WNT5A: variants seen among roughly 807,000 people sequenced by gnomAD.
WNT5A encodes Wnt family member 5A.
In WNT5A, 9 loss-of-function variants were observed where a neutral mutation model predicts 42.1. The ratio of observed to expected loss-of-function variants is 0.21; its 90% CI spans 0.13 to 0.37. WNT5A has a LOEUF of 0.37. Ranked by LOEUF, WNT5A falls within the 10% of genes least tolerant of loss-of-function variation. The pLI is 1.00. For synonymous variants in WNT5A, 210 were observed against 210.0 expected (o/e 1.00, Z 0.00); for missense variants, 426 against 534.0 (o/e 0.80, Z 1.99).
rs766388444 is a variant in WNT5A at position 55,474,387 on chromosome 3, C to T, written c.634G>A (p.Glu212Lys). ...AGGTTCATGAGGATGCGAGCACTCT[C>T]GTAGGAGCCCTTGGCGTGGATGCGC... ...RERIHAKGSY[E>K]SARILMNLHN... The change falls in exon 4 of 5, where the codon GAG (glutamate) becomes AAG (lysine). Residue 212 changes from glutamate (E) to lysine (K), a missense_variant. Transcript: ENST00000264634. 4.1e-5 allele frequency: 66 copies of T among 1,612,752 alleles called. No homozygotes were observed. Among genetic ancestry groups the T allele is most frequent in the Non-Finnish European group, 5.3e-5 (62 of 1,179,778 alleles).
At chr3:55,481,447 G>A (rs1303071809) in intron 1 of WNT5A, 2 of 936,668 alleles carry the variant, frequency 2.1e-6, no homozygotes, top group Non-Finnish European at 2.5e-6. Flanking sequence ...AGCGCGGGGG[G>A]TGGAGGATGG....
rs1415915811 is a variant in WNT5A at position 55,466,206 on chromosome 3, T to C, written c.*3886A>G. On this transcript the variant is annotated 3_prime_UTR_variant, in exon 5 of 5. Transcript: ENST00000264634. Reference sequence around the variant, plus strand: ...AAAAAAAATAAATATTTTAAAAGTATAGCTTACAGTGACAATGTAGTATTT... The same window carrying C: ...AAAAAAAATAAATATTTTAAAAGTACAGCTTACAGTGACAATGTAGTATTT... 1 of 152,210 alleles carries C rather than the reference T, an allele frequency of 6.6e-6. No individual in the cohort carries two copies. The highest frequency in any genetic ancestry group is 1.5e-5 in the Non-Finnish European group (1 of 68,040). 9.4% of individuals were successfully genotyped at this position (152,210 alleles called of 1,614,324 possible). A position where few individuals can be genotyped will look rare whatever the true frequency, so the allele number is the denominator to read the frequency against.
At chr3:55,500,652 G>A in the WNT5A span, among the ~76,000 whole-genome samples, 2 of 152,270 alleles carry the variant, frequency 1.3e-5, no homozygotes, top group Non-Finnish European at 2.9e-5. Context: ...AAAAGTCTAT[G>A]AATTACTGAA....
intron 1 of WNT5A, among the ~76,000 whole-genome samples, chr3:55,484,649 G>C (rs189231001): frequency 6.7e-6 from 1 of 149,658 alleles, no homozygotes. Flanking sequence ...CTGCCCCCTC[G>C]TCCATCCCTT....
Position 55,479,549 on chromosome 3 carries a change from A to G in WNT5A, c.156T>C (p.Asn52=). 1 of 1,595,534 alleles carries G rather than the reference A, an allele frequency of 6.3e-7. No individual in the cohort carries two copies. The highest frequency in any genetic ancestry group is 2.2e-5 in the East Asian group (1 of 44,538). ...EANSWWSLGM[N]NPVQMSEVYI... Reference sequence around the variant, plus strand: ...ATACTTCTGACATCTGAACAGGGTTATTCATACCTAGCGACCTGCAAGGGG... The same window carrying G: ...ATACTTCTGACATCTGAACAGGGTTGTTCATACCTAGCGACCTGCAAGGGG... Residue 52 remains asparagine (N), a synonymous_variant, in exon 3 of 5, where the codon AAT becomes AAC. Transcript: ENST00000264634.
Position 55,468,153 on chromosome 3 carries a change from A to G in WNT5A, c.*1939T>C, listed in dbSNP as rs2051179833. 1 of 151,758 alleles carries G rather than the reference A, an allele frequency of 6.6e-6. No individual in the cohort carries two copies. Among genetic ancestry groups the G allele is most frequent in the South Asian group, 2.1e-4 (1 of 4,798 alleles). The allele number at this position is 151,758 out of a possible 1,614,324, so 9.4% of individuals were successfully genotyped here. Reference sequence around the variant, plus strand: ...GTGTCCTTATTAAAAAAAAAAAAAAAAAAGCTATCTATGTAGTGGGCTGAA... The same window carrying G: ...GTGTCCTTATTAAAAAAAAAAAAAAGAAAGCTATCTATGTAGTGGGCTGAA... On this transcript the variant is annotated 3_prime_UTR_variant, in exon 5 of 5. Transcript: ENST00000264634.
At chr3:55,478,351 T>C (rs2051395131) in intron 3 of WNT5A, among the ~76,000 whole-genome samples, 1 of 152,224 alleles carries the variant, frequency 6.6e-6, no homozygotes, top group Non-Finnish European at 1.5e-5. Context: ...TGATGGACAT[T>C]AAGCCAACTT....
At chr3:55,497,843 G>C in the WNT5A span, among the ~76,000 whole-genome samples, 1 of 152,182 alleles carries the variant, frequency 6.6e-6, no homozygotes, top group South Asian at 2.1e-4. Context: ...AGAGCCAAGA[G>C]AGGTGGGAAG....
At position 55,479,688 on chromosome 3, in the gene WNT5A, T is replaced by C; in HGVS notation, c.141-124A>G. On this transcript the variant is annotated intron_variant, in intron 2 of 4. Coordinates refer to ENST00000264634, the MANE Select transcript of WNT5A (RefSeq NM_003392.7). ...CTTTTTTCTCTCCTGCTTGTCCTCA[T>C]GACAAAGTATGAGAAGGGCTTCATA... 3.0e-6 allele frequency: 4 copies of C among 1,313,830 alleles called. No individual in the cohort carries two copies. In the Admixed American group the frequency reaches 9.5e-5, roughly 31 times the overall value. The allele number at this position is 1,313,830 out of a possible 1,614,324, so 81.4% of individuals were successfully genotyped here. A position where few individuals can be genotyped will look rare whatever the true frequency, so the allele number is the denominator to read the frequency against.
rs373129812 is a variant in WNT5A at position 55,479,814 on chromosome 3, CCT to C, written c.141-252_141-251del. Among the ~76,000 whole-genome samples, 36 of 152,268 alleles carry C rather than the reference CCT, an allele frequency of 2.4e-4. No individual in the cohort carries two copies. In the Middle Eastern group the frequency reaches 0.01, roughly 43 times the overall value. On this transcript the variant is annotated intron_variant, in intron 2 of 4. Transcript: ENST00000264634. ...TAGTATTTTCACTCCCTTCCTAGCC[CCT>C]GTCACCATATACCTGAACCAGTATT...
intron 1 of WNT5A, chr3:55,481,424 AG>A: frequency 1.0e-6 from 1 of 968,410 alleles, no homozygotes; most frequent in Non-Finnish European, 1.2e-6. Context: ...GCTGCCAAGG[AG>A]GCGGGGTGGC....
chr3:55,479,201 G>A (rs941168113), intron 3 of WNT5A, 113 bp downstream of exon 3: 9 of 1,232,586 alleles, frequency 7.3e-6, no homozygotes, highest in African/African-American at 1.5e-5. Flanking sequence ...GCCACCACCC[G>A]AGCTGGAAGG....
Position 55,466,520 on chromosome 3 carries a change from T to A in WNT5A, c.*3572A>T, listed in dbSNP as rs1488224155. On this transcript the variant is annotated 3_prime_UTR_variant, in exon 5 of 5. Coordinates refer to ENST00000264634, the MANE Select transcript of WNT5A (RefSeq NM_003392.7). ...GGGTAGGCAACTAAAACTTACACAGTGCCAGTCTCAGGAGGTCAGTAGCTC... is the reference window on the plus strand; with the variant it reads ...GGGTAGGCAACTAAAACTTACACAGAGCCAGTCTCAGGAGGTCAGTAGCTC... 1.3e-5 allele frequency: 2 copies of A among 152,318 alleles called. No homozygotes were observed. Among genetic ancestry groups the A allele is most frequent in the Non-Finnish European group, 2.9e-5 (2 of 68,040 alleles). 9.4% of individuals were successfully genotyped at this position (152,318 alleles called of 1,614,324 possible). A position where few individuals can be genotyped will look rare whatever the true frequency, so the allele number is the denominator to read the frequency against.
intron 3 of WNT5A, among the ~76,000 whole-genome samples, chr3:55,475,202 A>G (rs1265976641): frequency 6.6e-6 from 1 of 152,230 alleles, no homozygotes; most frequent in African/African-American, 2.4e-5. Flanking sequence ...AATGCACATG[A>G]AAGAAGTCAT....
chr3:55,498,949 G>T, the WNT5A span, among the ~76,000 whole-genome samples: 4 of 152,186 alleles, frequency 2.6e-5, no homozygotes, highest in Admixed American at 2.6e-4. Context: ...CAAGAAAAAT[G>T]AGACACTGGT....
rs921966631 is a variant in WNT5A at position 55,482,006 on chromosome 3, C to T, written c.7-1088G>A. Reference sequence around the variant, plus strand: ...GGGGTTGTGGGCCACTTTGCCATCGCGGCACTGCGAGCCTGTCGTTGGAAC... The same window carrying T: ...GGGGTTGTGGGCCACTTTGCCATCGTGGCACTGCGAGCCTGTCGTTGGAAC... On this transcript the variant is annotated intron_variant, in intron 1 of 4. Coordinates refer to ENST00000264634, the MANE Select transcript of WNT5A (RefSeq NM_003392.7). 2.6e-5 allele frequency among the ~76,000 whole-genome samples: 4 copies of T among 152,216 alleles called. No individual in the cohort carries two copies. In the East Asian group the frequency reaches 5.8e-4, roughly 22 times the overall value.
chr3:55,490,341 T>A (rs941844934), upstream of WNT5A: 1 of 152,180 alleles, frequency 6.6e-6, no homozygotes, highest in Non-Finnish European at 1.5e-5. Flanking sequence ...GCCCAAACAG[T>A]GCTATTTCCT....
chr3:55,499,655 C>T, the WNT5A span, among the ~76,000 whole-genome samples: 1 of 152,062 alleles, frequency 6.6e-6, no homozygotes, highest in South Asian at 2.1e-4. Context: ...GAAGAAAAGA[C>T]CTTAGATGCC....
the WNT5A span, among the ~76,000 whole-genome samples, chr3:55,503,647 T>C: frequency 6.6e-6 from 1 of 152,228 alleles, no homozygotes; most frequent in African/African-American, 2.4e-5. Context: ...AGCCTACCAC[T>C]ACTGCACCAT....
Sources: gnomAD v4.1 joint callset for allele counts (sites outside exome capture counted in the v4.1 genomes callset) on GRCh38, gnomAD v4.1.1 for gene constraint, MANE v1.5 for transcripts, NCBI Gene and HGNC (gene_info 2026-07-23, HGNC 2026-07-21) for gene names.